The following C1orf21 variants were observed in gnomAD, a reference collection of about 807,000 sequenced individuals.
C1orf21 encodes the protein uncharacterized protein C1orf21.
In C1orf21, 3 loss-of-function variants were observed where a neutral mutation model predicts 18.7. The observed-to-expected ratio is 0.16, with a 90% confidence interval of 0.07 to 0.42. The LOEUF (loss-of-function observed/expected upper bound fraction) is 0.42. Ranked by LOEUF, C1orf21 falls within the 10% of genes least tolerant of loss-of-function variation. The probability of loss-of-function intolerance (pLI) is 0.99; values close to 1 mark genes in which losing one functional copy is unlikely to be tolerated. For synonymous variants in C1orf21, 41 were observed against 46.4 expected (o/e 0.88, Z 0.47); for missense variants, 104 against 143.6 (o/e 0.72, Z 1.41).
intron 1 of C1orf21, among the ~76,000 whole-genome samples, chr1:184,389,157 G>T (rs925690468): frequency 3.9e-5 from 6 of 152,048 alleles, no homozygotes; most frequent in African/African-American, 1.4e-4. Context: ...GTTTACTGCT[G>T]TGCAAACCTG....
chr1:184,594,806 A>G (rs1659490675), intron 4 of C1orf21, among the ~76,000 whole-genome samples: 1 of 152,228 alleles, frequency 6.6e-6, no homozygotes, highest in African/African-American at 2.4e-5. Flanking sequence ...CAGGCTTCAC[A>G]GGTGAGGTAT....
At chr1:184,480,530 G>C (rs1657638722) in intron 2 of C1orf21, among the ~76,000 whole-genome samples, 1 of 152,150 alleles carries the variant, frequency 6.6e-6, no homozygotes, top group African/African-American at 2.4e-5. Flanking sequence ...TTGTTCTAAA[G>C]CACCATGTGT....
rs1659999370 is a variant in C1orf21 at position 184,625,801 on chromosome 1, A to T, written c.*6245A>T. The T allele has an allele frequency of 6.6e-6, 1 of 152,306 alleles. No homozygotes were observed. The highest frequency in any genetic ancestry group is 2.4e-5 in the African/African-American group (1 of 41,426). 9.4% of individuals were successfully genotyped at this position (152,306 alleles called of 1,614,324 possible). A position where few individuals can be genotyped will look rare whatever the true frequency, so the allele number is the denominator to read the frequency against. ...TGCTTTGTGCCCCATCTGTGCCTGG[A>T]TGCCCTACTACATCTGCTTGACTCG... On this transcript the variant is annotated 3_prime_UTR_variant, in exon 6 of 6. Coordinates refer to ENST00000235307, the MANE Select transcript of C1orf21 (RefSeq NM_030806.4).
intron 5 of C1orf21, among the ~76,000 whole-genome samples, chr1:184,618,046 A>G (rs919941392): frequency 6.6e-6 from 1 of 151,480 alleles, no homozygotes; most frequent in Admixed American, 6.6e-5. Flanking sequence ...AATAGCTGGG[A>G]CTACAGGTGC....
At chr1:184,516,810 G>C (rs553078868) in intron 3 of C1orf21, among the ~76,000 whole-genome samples, 1 of 152,188 alleles carries the variant, frequency 6.6e-6, no homozygotes, top group Non-Finnish European at 1.5e-5. Flanking sequence ...TTTGGGTGGG[G>C]ACACAGAGCC....
chr1:184,465,450 G>T lies in C1orf21; in HGVS notation c.-124-11936G>T, dbSNP rs1657379126. 2.0e-5 allele frequency among the ~76,000 whole-genome samples: 3 copies of T among 152,052 alleles called. No homozygotes were observed. In the South Asian group the frequency reaches 6.2e-4, roughly 32 times the overall value. On this transcript the variant is annotated intron_variant, in intron 1 of 5. Coordinates refer to ENST00000235307, the MANE Select transcript of C1orf21 (RefSeq NM_030806.4). ...TAATAAGTAAGAGATTTTGGGGCTT[G>T]GTCCAGAAAATGATCTACAAATTTA...
intron 1 of C1orf21, among the ~76,000 whole-genome samples, chr1:184,457,598 C>T (rs1316125444): frequency 6.6e-6 from 1 of 152,182 alleles, no homozygotes; most frequent in Non-Finnish European, 1.5e-5. Context: ...AAGCTGCTGT[C>T]TCTGTACTGC....
chr1:184,485,120 G>A (rs1420104964), intron 2 of C1orf21, among the ~76,000 whole-genome samples: 4 of 152,128 alleles, frequency 2.6e-5, no homozygotes, highest in African/African-American at 9.7e-5. Context: ...ACCTGTGTTT[G>A]TGGACAGTAA....
At chr1:184,495,601 T>C (rs1657881730) in intron 2 of C1orf21, among the ~76,000 whole-genome samples, 1 of 152,108 alleles carries the variant, frequency 6.6e-6, no homozygotes, top group Non-Finnish European at 1.5e-5. Context: ...CAATATTCTC[T>C]GTAAAAGACA....
chr1:184,549,073 G>T (rs1271233510), intron 3 of C1orf21, among the ~76,000 whole-genome samples: 1 of 152,070 alleles, frequency 6.6e-6, no homozygotes, highest in Non-Finnish European at 1.5e-5. Context: ...TCTGAGAAGA[G>T]GTATATAGGT....
intron 2 of C1orf21, among the ~76,000 whole-genome samples, chr1:184,480,005 G>T (rs1191533222): frequency 6.6e-6 from 1 of 152,104 alleles, no homozygotes; most frequent in African/African-American, 2.4e-5. Flanking sequence ...AGATTACAGA[G>T]GTAAATAATC....
chr1:184,604,712 G>C (rs187979255), intron 5 of C1orf21, among the ~76,000 whole-genome samples: 1 of 152,200 alleles, frequency 6.6e-6, no homozygotes, highest in Non-Finnish European at 1.5e-5. Context: ...GATGACACTG[G>C]TGTAGGAACC....
chr1:184,598,576 G>T, intron 5 of C1orf21, 115 bp downstream of exon 5: 1 of 1,046,100 alleles, frequency 9.6e-7, no homozygotes, highest in Non-Finnish European at 1.4e-6. Context: ...GTGAAGGTTT[G>T]GGTGGAGAGT....
chr1:184,602,049 C>A (rs923219446), intron 5 of C1orf21, among the ~76,000 whole-genome samples: 9 of 152,126 alleles, frequency 5.9e-5, no homozygotes, highest in African/African-American at 2.2e-4. Flanking sequence ...TTGACAAGTT[C>A]AATTTTAAAA....
At chr1:184,513,075 T>G (rs1472744211) in intron 3 of C1orf21, among the ~76,000 whole-genome samples, 1 of 152,180 alleles carries the variant, frequency 6.6e-6, no homozygotes, top group Non-Finnish European at 1.5e-5. Context: ...AACAGTTTCA[T>G]TCCAAAGCTC....
chr1:184,589,995 TCTTTC>T (rs2101998754), intron 3 of C1orf21, among the ~76,000 whole-genome samples: 1 of 152,294 alleles, frequency 6.6e-6, no homozygotes, highest in East Asian at 1.9e-4. Context: ...TTCAGAGTGG[TCTTTC>T]CTTTCATTTC....
At chr1:184,464,757 A>G (rs1557978830) in intron 1 of C1orf21, among the ~76,000 whole-genome samples, 1 of 152,298 alleles carries the variant, frequency 6.6e-6, no homozygotes, top group South Asian at 2.1e-4. Flanking sequence ...TAGGACTATG[A>G]GCAGAATATT....
Position 184,575,611 on chromosome 1 carries a change from TAA to T in C1orf21, c.190-15109_190-15108del, listed in dbSNP as rs59167087. ...CCCTGTATGTGAAAACACAAAAAGG[TAA>T]AAAAAAAAAAAAAAAAAAGAAGAAC... On this transcript the variant is annotated intron_variant, in intron 3 of 5. Transcript: ENST00000235307. Among the ~76,000 whole-genome samples, 312 of 83,444 alleles carry T rather than the reference TAA, an allele frequency of 3.7e-3. 4 individuals carry two copies. Among genetic ancestry groups the T allele is most frequent in the Middle Eastern group, 0.015 (2 of 132 alleles). The allele number at this position is 83,444 out of a possible 152,430, so 54.7% of individuals were successfully genotyped here.
intron 1 of C1orf21, among the ~76,000 whole-genome samples, chr1:184,464,706 C>CT (rs139910525): frequency 0.067 from 10,174 of 152,274 alleles, 423 homozygotes; most frequent in Non-Finnish European, 0.082. Context: ...GGTGTATAGA[C>CT]TTCCTCCTGG....
Sources: allele counts gnomAD v4.1 joint callset (sites outside exome capture counted in the v4.1 genomes callset), GRCh38; gene constraint gnomAD v4.1.1; transcripts MANE v1.5; gene names NCBI Gene and HGNC (gene_info 2026-07-23, HGNC 2026-07-21).